SLC16A7: variants seen among roughly 807,000 people sequenced by gnomAD.
SLC16A7 encodes solute carrier family 16 member 7, also known as monocarboxylate transporter 2.
A neutral mutation model predicts 34.9 loss-of-function variants in SLC16A7; 33 were observed. The observed-to-expected ratio is 0.94, with a 90% confidence interval of 0.72 to 1.26. The LOEUF (loss-of-function observed/expected upper bound fraction) is 1.26, where lower values mean the gene tolerates loss of function less well. Among genes scored for constraint, SLC16A7 ranks in the 50% most tolerant of loss-of-function variants. SLC16A7 has a pLI of 0.00. For synonymous variants in SLC16A7, 201 were observed against 206.6 expected (o/e 0.97, Z 0.23); for missense variants, 573 against 578.1 (o/e 0.99, Z 0.09).
chr12:59,651,513 A>G (rs1277392745), intron 1 of SLC16A7, among the ~76,000 whole-genome samples: 1 of 152,224 alleles, frequency 6.6e-6, no homozygotes, highest in Admixed American at 6.5e-5. Flanking sequence ...AGTTATATAC[A>G]TGTAGCTGTT....
intron 1 of SLC16A7, among the ~76,000 whole-genome samples, chr12:59,612,040 G>T (rs1390718251): frequency 6.6e-6 from 1 of 152,182 alleles, no homozygotes; most frequent in East Asian, 1.9e-4. Context: ...CTGGAGGATG[G>T]TGGCCTTCTC....
At position 59,775,224 on chromosome 12, in the gene SLC16A7, G is replaced by C; in HGVS notation, c.929G>C (p.Arg310Pro). Reference sequence around the variant, plus strand: ...TTAATTGCAAACTCCAAATATATTCGACCTCGAATTCAGTACTTCTTCAGT... The same window carrying C: ...TTAATTGCAAACTCCAAATATATTCCACCTCGAATTCAGTACTTCTTCAGT... ...VGLIANSKYI[R>P]PRIQYFFSFA... Residue 310 changes from arginine to proline, a missense_variant, in exon 5 of 6, where the codon CGA (arginine) becomes CCA (proline). Coordinates refer to ENST00000547379, the MANE Select transcript of SLC16A7 (RefSeq NM_001270623.2). 6.2e-7 allele frequency: 1 copy of C among 1,614,066 alleles called. No individual in the cohort carries two copies. The highest frequency in any genetic ancestry group is 1.3e-5 in the African/African-American group (1 of 75,026).
At position 59,642,406 on chromosome 12, in the gene SLC16A7, C is replaced by T. The variant is rs569966070; in HGVS notation, c.-129-12746C>T. ...TCATGCACATATTTATTTCGCTTAC[C>T]ATATTTTTCATAATTATGTTTCTTC... On this transcript the variant is annotated intron_variant, in intron 1 of 5. Coordinates refer to ENST00000547379, the MANE Select transcript of SLC16A7 (RefSeq NM_001270623.2). Among the ~76,000 whole-genome samples the T allele has an allele frequency of 3.3e-5, 5 of 152,048 alleles. No individual in the cohort carries two copies. In the East Asian group the frequency reaches 9.7e-4, roughly 29 times the overall value.
intron 4 of SLC16A7, 145 bp from the exon 5 acceptor site, chr12:59,774,512 C>A: frequency 2.0e-6 from 1 of 506,994 alleles, no homozygotes. Context: ...TGTGCAATTA[C>A]ATTTATAATA....
chr12:59,761,013 G>A (rs890734353), intron 3 of SLC16A7: 6 of 373,280 alleles, frequency 1.6e-5, no homozygotes, highest in African/African-American at 8.6e-5. Flanking sequence ...ATTAAACCAC[G>A]TGTATTTTTT....
intron 3 of SLC16A7, among the ~76,000 whole-genome samples, chr12:59,718,816 T>G (rs2137193977): frequency 6.6e-6 from 1 of 152,260 alleles, no homozygotes; most frequent in South Asian, 2.1e-4. Context: ...TATTTCAACC[T>G]AAAAGAATTG....
At chr12:59,632,906 A>G (rs901637860) in intron 1 of SLC16A7, among the ~76,000 whole-genome samples, 12 of 151,956 alleles carry the variant, frequency 7.9e-5, no homozygotes, top group African/African-American at 2.9e-4. Context: ...TATGGAAAGA[A>G]ACTGTTGTGA....
At chr12:59,768,887 C>G (rs1474527661) in intron 3 of SLC16A7, among the ~76,000 whole-genome samples, 1 of 151,990 alleles carries the variant, frequency 6.6e-6, no homozygotes, top group Non-Finnish European at 1.5e-5. Flanking sequence ...GTGGTCCCAG[C>G]TACTAGGGAG....
intron 3 of SLC16A7, chr12:59,719,833 C>T: frequency 4.9e-6 from 2 of 406,088 alleles, no homozygotes; most frequent in Non-Finnish European, 8.6e-6. Context: ...GGATTCTTCA[C>T]AGCATGAATA....
intron 1 of SLC16A7, among the ~76,000 whole-genome samples, chr12:59,615,704 A>C (rs1879419287): frequency 1.3e-5 from 2 of 152,222 alleles, no homozygotes; most frequent in East Asian, 3.8e-4. Context: ...TATTGTTGCC[A>C]TTGCCTCAGA....
intron 2 of SLC16A7, among the ~76,000 whole-genome samples, chr12:59,670,219 G>A (rs1474371315): frequency 6.6e-6 from 1 of 152,026 alleles, no homozygotes; most frequent in Non-Finnish European, 1.5e-5. Context: ...TCTTCACATG[G>A]CTGTCTTCTT....
chr12:59,697,450 A>G (rs1872431875), intron 2 of SLC16A7, among the ~76,000 whole-genome samples: 1 of 151,958 alleles, frequency 6.6e-6, no homozygotes, highest in African/African-American at 2.4e-5. Flanking sequence ...AGTTGAAGGA[A>G]AAGGCTGGTA....
intron 5 of SLC16A7, among the ~76,000 whole-genome samples, chr12:59,779,111 A>G (rs1159796146): frequency 6.6e-6 from 1 of 152,100 alleles, no homozygotes; most frequent in Non-Finnish European, 1.5e-5. Flanking sequence ...GTATAGATAT[A>G]AAAATATACC....
intron 4 of SLC16A7, 69 bp from the exon 5 acceptor site, chr12:59,774,587 AG>A: frequency 1.1e-6 from 1 of 879,934 alleles, no homozygotes; most frequent in Non-Finnish European, 1.8e-6. Context: ...GTACATTTTG[AG>A]GAGTAATTTC....
chr12:59,643,962 A>G (rs998606595), intron 1 of SLC16A7, among the ~76,000 whole-genome samples: 1 of 151,918 alleles, frequency 6.6e-6, no homozygotes, highest in African/African-American at 2.4e-5. Context: ...CATGGAGATA[A>G]CTCTTAGGTT....
At chr12:59,622,455 G>A (rs773051570) in intron 1 of SLC16A7, among the ~76,000 whole-genome samples, 1 of 151,762 alleles carries the variant, frequency 6.6e-6, no homozygotes, top group African/African-American at 2.4e-5. Context: ...TCTTCTAATT[G>A]TTTTATATGT....
intron 3 of SLC16A7, among the ~76,000 whole-genome samples, chr12:59,757,928 ATTAT>A (rs1411368397): frequency 6.6e-6 from 1 of 152,174 alleles, no homozygotes; most frequent in Non-Finnish European, 1.5e-5. Flanking sequence ...GCGTTAATCT[ATTAT>A]TTATGTTATC....
chr12:59,747,894 A>G (rs2086538214), intron 3 of SLC16A7, among the ~76,000 whole-genome samples: 1 of 152,182 alleles, frequency 6.6e-6, no homozygotes, highest in South Asian at 2.1e-4. Flanking sequence ...TAGTCTAGAT[A>G]CCATTAATCA....
At chr12:59,733,868 T>A (rs763274770) in intron 3 of SLC16A7, 3 of 454,646 alleles carry the variant, frequency 6.6e-6, no homozygotes, top group South Asian at 4.7e-5. Context: ...TCGTCCTGAC[T>A]AGCTGAGGAG....
Sources: allele counts gnomAD v4.1 joint callset (sites outside exome capture counted in the v4.1 genomes callset), GRCh38; gene constraint gnomAD v4.1.1; transcripts MANE v1.5; gene names NCBI Gene and HGNC (gene_info 2026-07-23, HGNC 2026-07-21).